The following THEM5 variants were observed in gnomAD, a reference collection of about 807,000 sequenced individuals.
THEM5 encodes thioesterase superfamily member 5.
THEM5 carries 28 observed loss-of-function variants against 24.2 expected under a neutral mutation model. The observed-to-expected ratio is 1.16, with a 90% CI of 0.86 to 1.59. The LOEUF (loss-of-function observed/expected upper bound fraction) is 1.59. Ranked by LOEUF, THEM5 falls within the 40% of genes most tolerant of loss-of-function variation. The pLI is 0.00. For missense variants in THEM5, 260 were observed against 296.8 expected (o/e 0.88, Z 0.91); for synonymous variants, 87 against 114.5 (o/e 0.76, Z 1.53).
chr1:151,848,765 C>T (rs1367799752), intron 3 of THEM5, among the ~76,000 whole-genome samples: 1 of 152,204 alleles, frequency 6.6e-6, no homozygotes, highest in Non-Finnish European at 1.5e-5. Flanking sequence ...GCCCACATCT[C>T]AAGATAAGTA....
At chr1:151,849,780 G>T (rs572274556) in intron 3 of THEM5, among the ~76,000 whole-genome samples, 1 of 152,240 alleles carries the variant, frequency 6.6e-6, no homozygotes, top group African/African-American at 2.4e-5. Context: ...CCAGTATGTG[G>T]ATCTACAGAG....
chr1:151,849,979 A>G (rs574025412), intron 3 of THEM5, among the ~76,000 whole-genome samples: 6 of 152,334 alleles, frequency 3.9e-5, no homozygotes, highest in Admixed American at 2.6e-4. Flanking sequence ...TGCTTCAGAA[A>G]GGAGGGAGTC....
rs113425236 is a variant in THEM5 at position 151,847,683 on chromosome 1, C to T, written c.700+55G>A. On this transcript the variant is annotated intron_variant, in intron 5 of 5. Transcript: ENST00000368817. ...GCATCTTTTCTTCCTCCTGTTTGTTCTGGGGGTGGGTGGTGGTGGGACGGG... is the reference window on the plus strand; with the variant it reads ...GCATCTTTTCTTCCTCCTGTTTGTTTTGGGGGTGGGTGGTGGTGGGACGGG... 1,355 of 1,428,024 alleles carry T rather than the reference C, an allele frequency of 9.5e-4. 14 individuals are homozygous for T. The African/African-American group carries it at 0.017, about 18-fold the overall frequency. The allele number at this position is 1,428,024 out of a possible 1,614,324, so 88.5% of individuals were successfully genotyped here.
chr1:151,849,101 C>T (rs780010745), intron 3 of THEM5, among the ~76,000 whole-genome samples: 5 of 151,886 alleles, frequency 3.3e-5, no homozygotes, highest in African/African-American at 4.8e-5. Flanking sequence ...GCGCCTGTAA[C>T]TCAGCTACTC....
At chr1:151,850,304 A>G (rs1653072002) in intron 3 of THEM5, 1 of 152,278 alleles carries the variant, frequency 6.6e-6, no homozygotes, top group African/African-American at 2.4e-5. Flanking sequence ...AAGGGGGACA[A>G]CCATGAACTT....
In THEM5 at chr1:151,847,745, C is replaced by T. The variant is rs1438035849; in HGVS notation, c.693G>A (p.Lys231=). Residue 231 remains lysine (K), a synonymous_variant, in exon 5 of 6, where the codon AAG becomes AAA. Transcript: ENST00000368817. ...GGCTGGGGGCTCCTTTACCTGAGGA[C>T]TTGGCATAAACTGTCTGCTGGTCTC... The part of the protein sequence containing the change: ...HSRDQQTVYA[K]SSGVFLQLQL... 2 of 1,613,328 alleles carry T rather than the reference C, an allele frequency of 1.2e-6. No individual in the cohort carries two copies. Among genetic ancestry groups the T allele is most frequent in the East Asian group, 4.5e-5 (2 of 44,826 alleles).
Position 151,848,084 on chromosome 1 carries a change from G to C in THEM5, c.575+98C>G, listed in dbSNP as rs1214239672. The C allele has an allele frequency of 3.6e-6, 5 of 1,408,104 alleles. No individual in the cohort carries two copies. In the African/African-American group the frequency reaches 7.1e-5, roughly 20 times the overall value. 87.2% of individuals were successfully genotyped at this position (1,408,104 alleles called of 1,614,324 possible). ...TGGGAGTGGGCTGGGGAAGGAGAGT[G>C]GCAGGCAGGGCTCCTACACCCCAGC... On this transcript the variant is annotated intron_variant, in intron 4 of 5. Transcript: ENST00000368817.
At chr1:151,848,089 G>C in intron 4 of THEM5, 93 bp downstream of exon 4, 3 of 1,428,588 alleles carry the variant, frequency 2.1e-6, no homozygotes, top group Non-Finnish European at 2.9e-6. Flanking sequence ...AGAGTGGCAG[G>C]CAGGGCTCCT....
intron 2 of THEM5, among the ~76,000 whole-genome samples, chr1:151,851,480 T>A (rs539108820): frequency 2.0e-5 from 3 of 152,264 alleles, no homozygotes; most frequent in East Asian, 1.9e-4. Context: ...ATTGAAAATG[T>A]AATTACTCAT....
chr1:151,853,313 C>G, intron 1 of THEM5, 130 bp downstream of exon 1: 1 of 1,266,026 alleles, frequency 7.9e-7, no homozygotes. Context: ...TTCTCTTTGC[C>G]AAATCAAATA....
At chr1:151,853,042 A>G (rs116322666) in intron 1 of THEM5, among the ~76,000 whole-genome samples, 72 of 152,286 alleles carry the variant, frequency 4.7e-4, no homozygotes, top group African/African-American at 1.4e-3. Context: ...GGCACAGACT[A>G]TGTGCCCATC....
chr1:151,851,393 T>C (rs1375082372), intron 2 of THEM5, among the ~76,000 whole-genome samples: 4 of 152,182 alleles, frequency 2.6e-5, no homozygotes, highest in African/African-American at 9.7e-5. Context: ...GGCAGAAACA[T>C]GCAGGAAGTG....
rs772424639 is a variant in THEM5 at position 151,853,504 on chromosome 1, G to T, written c.62C>A (p.Ala21Asp). ...RLGHHRGLLEAPRILPRLNPA... is the reference protein window; with the variant it reads ...RLGHHRGLLEDPRILPRLNPA... Reference sequence around the variant, plus strand: ...GTTGAGTCTGGGCAGGATACGGGGGGCCTCAAGAAGGCCTCTGTGGTGGCC... The same window carrying T: ...GTTGAGTCTGGGCAGGATACGGGGGTCCTCAAGAAGGCCTCTGTGGTGGCC... Residue 21 changes from alanine (A) to aspartate (D), a missense_variant, in exon 1 of 6, where the codon GCC becomes GAC. Physicochemically the swap from Ala to Asp is moderately radical, Grantham distance 126. Transcript: ENST00000368817. The T allele has an allele frequency of 4.3e-6, 7 of 1,613,752 alleles. No individual in the cohort carries two copies. Among genetic ancestry groups the T allele is most frequent in the Non-Finnish European group, 5.1e-6 (6 of 1,179,900 alleles).
chr1:151,847,351 T>G lies in THEM5; in HGVS notation c.*20A>C, dbSNP rs1452404758. ...AGGCAGGCAGGGGAGGCAGTGGCTC[T>G]CCTGCAGGCACAGTGACTGTTACTG... On this transcript the variant is annotated 3_prime_UTR_variant, in exon 6 of 6. Coordinates refer to ENST00000368817, the MANE Select transcript of THEM5 (RefSeq NM_182578.4). The G allele has an allele frequency of 6.2e-7, 1 of 1,612,598 alleles. No homozygotes were observed. Among genetic ancestry groups the G allele is most frequent in the Non-Finnish European group, 8.5e-7 (1 of 1,179,460 alleles).
intron 4 of THEM5, 140 bp from the exon 5 acceptor site, chr1:151,848,002 A>G: frequency 6.7e-7 from 1 of 1,498,542 alleles, no homozygotes; most frequent in Non-Finnish European, 8.9e-7. Context: ...CCTTTTTGTC[A>G]GCTCCCAAAG....
chr1:151,851,336 T>TG, intron 2 of THEM5, 145 bp from the exon 3 acceptor site: 1 of 1,049,296 alleles, frequency 9.5e-7, no homozygotes, highest in Admixed American at 2.1e-5. Context: ...GCCTTCCCTC[T>TG]GGGAGCAGAG....
intron 2 of THEM5, among the ~76,000 whole-genome samples, chr1:151,851,627 A>G (rs1395607150): frequency 6.6e-6 from 1 of 152,220 alleles, no homozygotes; most frequent in Non-Finnish European, 1.5e-5. Flanking sequence ...ATTCTTTGAA[A>G]AAAAATTATG....
At chr1:151,848,435 C>A in intron 3 of THEM5, 143 bp from the exon 4 acceptor site, 1 of 629,594 alleles carries the variant, frequency 1.6e-6, no homozygotes, top group Non-Finnish European at 2.8e-6. Flanking sequence ...AGCCTCAGGG[C>A]AGCCAAATAG....
chr1:151,847,660 ATCTTT>A, intron 5 of THEM5, 73 bp downstream of exon 5: 1 of 1,560,422 alleles, frequency 6.4e-7, no homozygotes, highest in Non-Finnish European at 8.7e-7. Flanking sequence ...AATCATTGGC[ATCTTT>A]TCTTCCTCCT....
Sources: gnomAD v4.1 joint callset for allele counts (sites outside exome capture counted in the v4.1 genomes callset) on GRCh38, gnomAD v4.1.1 for gene constraint, MANE v1.5 for transcripts, NCBI Gene and HGNC (gene_info 2026-07-23, HGNC 2026-07-21) for gene names.